Variants in SEMA5A observed in about 807,000 individuals in gnomAD.
SEMA5A encodes the protein semaphorin 5A.
SEMA5A carries 55 observed loss-of-function variants against 135.5 expected under a neutral mutation model. The observed-to-expected ratio is 0.41, with a 90% confidence interval of 0.33 to 0.51. The LOEUF (loss-of-function observed/expected upper bound fraction) is 0.51. SEMA5A is among the 20% of genes least tolerant of loss of function. The pLI is 0.37. For missense variants in SEMA5A, 1,290 were observed against 1,419.9 expected, an observed-to-expected ratio of 0.91 and a Z score of 1.47; for synonymous variants, 580 against 546.5, an observed-to-expected ratio of 1.06 and a Z score of -0.85.
chr5:9,506,665 T>C (rs745650105), intron 1 of SEMA5A, among the ~76,000 whole-genome samples: 2 of 152,090 alleles, frequency 1.3e-5, no homozygotes, highest in Non-Finnish European at 2.9e-5. Flanking sequence ...TGGGCAAAAA[T>C]TGCAAATGGA....
chr5:9,228,241 A>G (rs1026062077), intron 6 of SEMA5A, among the ~76,000 whole-genome samples: 1 of 152,180 alleles, frequency 6.6e-6, no homozygotes, highest in Non-Finnish European at 1.5e-5. Context: ...AGGTGTAGAG[A>G]GGCTTCCTGA....
intron 16 of SEMA5A, among the ~76,000 whole-genome samples, chr5:9,089,043 C>T (rs1196080823): frequency 6.6e-6 from 1 of 152,132 alleles, no homozygotes; most frequent in Admixed American, 6.5e-5. Flanking sequence ...TTTGTGCTAC[C>T]ATTGGATGCA....
chr5:9,131,373 C>T (rs1202575928), intron 13 of SEMA5A, among the ~76,000 whole-genome samples: 1 of 151,976 alleles, frequency 6.6e-6, no homozygotes, highest in Non-Finnish European at 1.5e-5. Flanking sequence ...CTTTGGGAGG[C>T]CGAGGCGGGT....
intron 15 of SEMA5A, among the ~76,000 whole-genome samples, chr5:9,112,546 T>C (rs1740298026): frequency 6.6e-6 from 1 of 152,218 alleles, no homozygotes; most frequent in Admixed American, 6.5e-5. Context: ...TCTACCATAA[T>C]ATTTAATTCA....
intron 1 of SEMA5A, chr5:9,519,971 G>A (rs1736731896): frequency 6.6e-6 from 1 of 152,226 alleles, no homozygotes; most frequent in African/African-American, 2.4e-5. Flanking sequence ...GTTTAGACCT[G>A]TGTAAAGCAA....
At chr5:9,131,550 A>G (rs188132653) in intron 13 of SEMA5A, among the ~76,000 whole-genome samples, 169 of 144,552 alleles carry the variant, frequency 1.2e-3, no homozygotes, top group African/African-American at 4.1e-3. Flanking sequence ...GGAAGCTGCA[A>G]TGAGCTGAGA....
chr5:9,186,723 A>T (rs1014616494), intron 11 of SEMA5A, among the ~76,000 whole-genome samples: 2 of 152,216 alleles, frequency 1.3e-5, no homozygotes, highest in Non-Finnish European at 1.5e-5. Context: ...AGATATATAT[A>T]TTTTCAAGGT....
intron 15 of SEMA5A, among the ~76,000 whole-genome samples, chr5:9,109,720 G>C (rs1392610072): frequency 6.6e-6 from 1 of 152,156 alleles, no homozygotes; most frequent in Non-Finnish European, 1.5e-5. Context: ...ATTGCAGAAG[G>C]CTTCCTGATC....
At chr5:9,443,381 G>T (rs2126684447) in intron 1 of SEMA5A, among the ~76,000 whole-genome samples, 1 of 152,086 alleles carries the variant, frequency 6.6e-6, no homozygotes, top group Non-Finnish European at 1.5e-5. Context: ...AAGGAAGAGG[G>T]GGAAGAAAAA....
At chr5:9,062,845 C>T in intron 18 of SEMA5A, 42 bp downstream of exon 18, 1 of 1,604,090 alleles carries the variant, frequency 6.2e-7, no homozygotes, top group Non-Finnish European at 8.5e-7. Flanking sequence ...CTCCAAGGCC[C>T]TTGAGTTTTC....
chr5:9,154,523 G>A lies in SEMA5A; in HGVS notation c.1446C>T (p.Ile482=), dbSNP rs368090483. Residue 482 remains isoleucine (I), a synonymous_variant, in exon 12 of 23, where the codon ATC becomes ATT. Transcript: ENST00000382496. ...FVGLREHVVK[I]PLKRCQFYRT... is the part of the protein sequence containing the mutation. ...GGTAGAACTGGCACCTCTTCAGGGG[G>A]ATCTTGACCACGTGCTCCCGCAGGC... is the stretch of plus-strand genomic sequence containing the variant. The A allele has an allele frequency of 6.2e-7, 1 of 1,612,286 alleles. No homozygotes were observed.
intron 16 of SEMA5A, among the ~76,000 whole-genome samples, chr5:9,074,387 C>A (rs1737932971): frequency 6.6e-6 from 1 of 151,946 alleles, no homozygotes; most frequent in Admixed American, 6.5e-5. Flanking sequence ...CAAAGAACTC[C>A]TAGAAGCAAA....
intron 2 of SEMA5A, among the ~76,000 whole-genome samples, chr5:9,424,107 C>A (rs1757562766): frequency 6.6e-6 from 1 of 152,120 alleles, no homozygotes; most frequent in South Asian, 2.1e-4. Context: ...TTGCCCAGCA[C>A]CTCCCAAGAC....
intron 5 of SEMA5A, among the ~76,000 whole-genome samples, chr5:9,290,757 T>C (rs1017013453): frequency 3.3e-5 from 5 of 152,214 alleles, no homozygotes; most frequent in Non-Finnish European, 7.3e-5. Flanking sequence ...CTTAAATTAA[T>C]GACAGCTCTT....
In SEMA5A at chr5:9,038,033, G is replaced by T. The variant is rs988609424; in HGVS notation, c.*4864C>A. 6.6e-6 allele frequency: 1 copy of T among 152,178 alleles called. No individual in the cohort carries two copies. The highest frequency in any genetic ancestry group is 2.4e-5 in the African/African-American group (1 of 41,442). The allele number at this position is 152,178 out of a possible 1,614,324, so 9.4% of individuals were successfully genotyped here. A position where few individuals can be genotyped will look rare whatever the true frequency, so the allele number is the denominator to read the frequency against. The stretch of plus-strand genomic sequence containing the variant: ...GCATCTAGGGTCTGATAAGATAAGC[G>T]TAGGTAATTGCAGATAACCATAGGT... On this transcript the variant is annotated 3_prime_UTR_variant, in exon 23 of 23. Transcript: ENST00000382496.
At chr5:9,377,527 T>C (rs1489592822) in intron 3 of SEMA5A, among the ~76,000 whole-genome samples, 1 of 151,872 alleles carries the variant, frequency 6.6e-6, no homozygotes, top group Non-Finnish European at 1.5e-5. Flanking sequence ...CAGTGAAATA[T>C]ATACGCGAGG....
At chr5:9,237,943 A>G (rs1445140477) in intron 5 of SEMA5A, 53 bp from the exon 6 acceptor site, 1 of 1,555,254 alleles carries the variant, frequency 6.4e-7, no homozygotes, top group East Asian at 2.2e-5. Context: ...AATAAAAGGG[A>G]AAATATAAAC....
chr5:9,458,687 T>A (rs1036174952), intron 1 of SEMA5A, among the ~76,000 whole-genome samples: 1 of 152,180 alleles, frequency 6.6e-6, no homozygotes, highest in African/African-American at 2.4e-5. Flanking sequence ...CAGGGCTCCA[T>A]GTTCAAAGCT....
At chr5:9,312,226 A>T (rs1164120082) in intron 5 of SEMA5A, among the ~76,000 whole-genome samples, 1 of 152,002 alleles carries the variant, frequency 6.6e-6, no homozygotes, top group East Asian at 1.9e-4. Flanking sequence ...TATACTGAAG[A>T]TTTGAATCTG....
Sources: gnomAD v4.1 joint callset for allele counts (sites outside exome capture counted in the v4.1 genomes callset) on GRCh38, gnomAD v4.1.1 for gene constraint, MANE v1.5 for transcripts, NCBI Gene and HGNC (gene_info 2026-07-23, HGNC 2026-07-21) for gene names.